ADAM22: variants seen among roughly 807,000 people sequenced by gnomAD.
The protein encoded by ADAM22 is disintegrin and metalloproteinase domain-containing protein 22.
In ADAM22, 65 loss-of-function variants were observed where a neutral mutation model predicts 144.6. The observed-to-expected ratio is 0.45, with a 90% CI of 0.37 to 0.55. ADAM22 has a LOEUF of 0.55. Among genes scored for constraint, ADAM22 ranks in the 20% least tolerant of loss-of-function variants. ADAM22 has a pLI of 0.00. For synonymous variants in ADAM22, 391 were observed against 412.6 expected (o/e 0.95, Z 0.63); for missense variants, 974 against 1,184.9 (o/e 0.82, Z 2.61).
chr7:87,952,626 G>A (rs568866225), intron 2 of ADAM22, among the ~76,000 whole-genome samples: 35 of 152,028 alleles, frequency 2.3e-4, no homozygotes, highest in Middle Eastern at 6.8e-3. Flanking sequence ...GTCTCTGCCT[G>A]GCTTTGGTAT....
At chr7:88,132,690 A>G (rs1832099141) in intron 11 of ADAM22, 177 bp from the exon 12 acceptor site, 2 of 499,734 alleles carry the variant, frequency 4.0e-6, no homozygotes, top group South Asian at 6.3e-5. Flanking sequence ...AACATCCCTC[A>G]TAAACCTTTT....
chr7:87,955,041 T>A (rs1183868371), intron 2 of ADAM22, among the ~76,000 whole-genome samples: 2 of 152,188 alleles, frequency 1.3e-5, no homozygotes, highest in Non-Finnish European at 2.9e-5. Context: ...TTTGTCTAAA[T>A]TTTTTTCAAA....
At chr7:88,169,147 G>C (rs1165276235) in intron 25 of ADAM22, among the ~76,000 whole-genome samples, 1 of 152,120 alleles carries the variant, frequency 6.6e-6, no homozygotes, top group Non-Finnish European at 1.5e-5. Flanking sequence ...GTAATTGCTT[G>C]TGAGGTCAAA....
At chr7:88,184,570 G>GA (rs1312235405) in intron 29 of ADAM22, among the ~76,000 whole-genome samples, 1 of 152,070 alleles carries the variant, frequency 6.6e-6, no homozygotes, top group East Asian at 1.9e-4. Flanking sequence ...TTCCATCCTG[G>GA]AAAACACAAA....
At chr7:88,162,639 G>C (rs1266189242) in intron 22 of ADAM22, among the ~76,000 whole-genome samples, 1 of 152,016 alleles carries the variant, frequency 6.6e-6, no homozygotes, top group Admixed American at 6.6e-5. Flanking sequence ...ATATACAATA[G>C]TTTAGTCATT....
At chr7:88,121,276 T>C (rs2129493301) in intron 7 of ADAM22, among the ~76,000 whole-genome samples, 1 of 152,170 alleles carries the variant, frequency 6.6e-6, no homozygotes, top group South Asian at 2.1e-4. Context: ...TCTATAATTC[T>C]GGGATTTTTA....
At position 87,978,513 on chromosome 7, in the gene ADAM22, A is replaced by G. The variant is rs1584774528; in HGVS notation, c.323+101A>G. 3 of 919,840 alleles carry G rather than the reference A, an allele frequency of 3.3e-6. No individual in the cohort carries two copies. In the East Asian group the frequency reaches 7.6e-5, roughly 23 times the overall value. 57.0% of individuals were successfully genotyped at this position (919,840 alleles called of 1,614,324 possible). A position where few individuals can be genotyped will look rare whatever the true frequency, so the allele number is the denominator to read the frequency against. ...TTACTATATTTTACTTTGTCTTCCT[A>G]TACCGGTTAAATACTACATTTTAAA... On this transcript the variant is annotated intron_variant, in intron 3 of 31. Transcript: ENST00000413139.
At chr7:87,958,578 G>T (rs1479866271) in intron 2 of ADAM22, among the ~76,000 whole-genome samples, 4 of 151,948 alleles carry the variant, frequency 2.6e-5, no homozygotes, top group African/African-American at 7.3e-5. Context: ...TAGAGATGGG[G>T]TTTCACCATG....
intron 30 of ADAM22, among the ~76,000 whole-genome samples, chr7:88,190,211 G>A (rs958766010): frequency 1.3e-5 from 2 of 152,092 alleles, no homozygotes; most frequent in Admixed American, 6.5e-5. Flanking sequence ...TTCTAATAGG[G>A]TATCCATTAT....
intron 3 of ADAM22, among the ~76,000 whole-genome samples, chr7:88,044,692 C>T (rs564088221): frequency 7.9e-5 from 12 of 151,808 alleles, no homozygotes; most frequent in Middle Eastern, 3.5e-3. Context: ...ATGATCCACC[C>T]GCCTCGGTCT....
Position 88,175,540 on chromosome 7 carries a change from T to G in ADAM22, c.2301-3395T>G, listed in dbSNP as rs537450589. 8.1e-4 allele frequency among the ~76,000 whole-genome samples: 123 copies of G among 152,252 alleles called. 1 individual carries two copies. In the South Asian group the frequency reaches 0.024, roughly 30 times the overall value. ...GATACGTTTTGAGGGGGAAAAAAAC[T>G]AGTTACATAAGTGTTTATTATATTT... On this transcript the variant is annotated intron_variant, in intron 26 of 31. Transcript: ENST00000413139.
At chr7:88,131,838 A>C (rs1435724852) in intron 11 of ADAM22, 2 of 177,690 alleles carry the variant, frequency 1.1e-5, no homozygotes, top group Non-Finnish European at 2.3e-5. Flanking sequence ...ATTTTTTCTC[A>C]CTCTTATGTT....
At chr7:88,131,477 AT>A in intron 11 of ADAM22, 42 bp downstream of exon 11, 1 of 1,587,704 alleles carries the variant, frequency 6.3e-7, no homozygotes, top group East Asian at 2.2e-5. Context: ...TTTTGATTCC[AT>A]GTTAAATGCT....
At chr7:88,152,178 T>A (rs537778499) in intron 20 of ADAM22, among the ~76,000 whole-genome samples, 1 of 152,216 alleles carries the variant, frequency 6.6e-6, no homozygotes, top group Admixed American at 6.5e-5. Context: ...AAAAAAGATA[T>A]CATTTTTGTT....
intron 2 of ADAM22, among the ~76,000 whole-genome samples, chr7:87,968,764 C>CT (rs1253523644): frequency 6.6e-6 from 1 of 152,136 alleles, no homozygotes; most frequent in African/African-American, 2.4e-5. Flanking sequence ...TTAGTCTGTT[C>CT]TTACACTGCT....
chr7:87,996,710 T>C (rs1441107513), intron 3 of ADAM22, among the ~76,000 whole-genome samples: 1 of 152,232 alleles, frequency 6.6e-6, no homozygotes, highest in Non-Finnish European at 1.5e-5. Flanking sequence ...GTGCCAATTA[T>C]AGATATTTGT....
chr7:88,166,016 T>C (rs2129530754), intron 24 of ADAM22, 70 bp downstream of exon 24: 4 of 1,035,588 alleles, frequency 3.9e-6, no homozygotes, highest in East Asian at 2.7e-5. Context: ...TGAAAACTTT[T>C]ATTTGAGTTA....
At chr7:87,955,004 C>G (rs1243874570) in intron 2 of ADAM22, among the ~76,000 whole-genome samples, 2 of 152,194 alleles carry the variant, frequency 1.3e-5, no homozygotes, top group African/African-American at 4.8e-5. Context: ...TTAAGCACTT[C>G]TCTGTATTGG....
intron 3 of ADAM22, among the ~76,000 whole-genome samples, chr7:88,003,715 TAAAAAA>T (rs1184451940): frequency 1.3e-5 from 2 of 152,186 alleles, no homozygotes; most frequent in Non-Finnish European, 2.9e-5. Flanking sequence ...TCAGAAACCT[TAAAAAA>T]ACTTGTCACT....
Sources: gnomAD v4.1 joint callset for allele counts (sites outside exome capture counted in the v4.1 genomes callset) on GRCh38, gnomAD v4.1.1 for gene constraint, MANE v1.5 for transcripts, NCBI Gene and HGNC (gene_info 2026-07-23, HGNC 2026-07-21) for gene names.